C1GALT1: variants seen among roughly 807,000 people sequenced by gnomAD.
C1GALT1 encodes glycoprotein-N-acetylgalactosamine 3-beta-galactosyltransferase 1.
In C1GALT1, 11 loss-of-function variants were observed where a neutral mutation model predicts 31.0. The ratio of observed to expected loss-of-function variants is 0.36; its 90% CI spans 0.22 to 0.59. C1GALT1 has a LOEUF of 0.59. Among genes scored for constraint, C1GALT1 ranks in the 20% least tolerant of loss-of-function variants. C1GALT1 has a pLI of 0.79. For synonymous variants in C1GALT1, 175 were observed against 143.6 expected (o/e 1.22, Z -1.56); for missense variants, 424 against 425.2 (o/e 1.00, Z 0.03).
upstream of C1GALT1, among the ~76,000 whole-genome samples, chr7:7,181,580 A>C (rs1328666826): frequency 1.3e-5 from 2 of 152,226 alleles, no homozygotes; most frequent in Admixed American, 6.5e-5. Context: ...AATTAAAGGA[A>C]AAATAACAAT....
Position 7,238,903 on chromosome 7 carries a change from A to G in C1GALT1, c.869A>G (p.Asn290Ser). ...AGAACGTTTTGGTACTGGAATTACA[A>G]CTATTATCCTCCTGTAGAGGTAAGT... is the stretch of plus-strand genomic sequence containing the variant. ...LPRTFWYWNYNYYPPVEGPGC... is the reference protein window; with the variant it reads ...LPRTFWYWNYSYYPPVEGPGC... The change falls in exon 3 of 4, where the codon AAC becomes AGC. Residue 290 changes from asparagine to serine, a missense_variant. This residue lies in a region of C1GALT1 where 191 missense variants were observed against 188.8 expected (regional missense o/e 1.01). Transcript: ENST00000436587. This position sits in a 1 kb window ranked among gnomAD's most constrained non-coding sequence, Gnocchi z 5.2. 1 of 1,612,144 alleles carries G rather than the reference A, an allele frequency of 6.2e-7. No homozygotes were observed. The highest frequency in any genetic ancestry group is 8.5e-7 in the Non-Finnish European group (1 of 1,179,068).
chr7:7,169,599 G>A (rs1780431382), intron 2 of C1GALT1, among the ~76,000 whole-genome samples: 1 of 151,466 alleles, frequency 6.6e-6, no homozygotes, highest in East Asian at 1.9e-4. Context: ...GTACATCATT[G>A]TTGTTTTGAT....
At chr7:7,201,692 A>G (rs1316673215) in intron 1 of C1GALT1, among the ~76,000 whole-genome samples, 2 of 152,192 alleles carry the variant, frequency 1.3e-5, no homozygotes, top group African/African-American at 4.8e-5. Flanking sequence ...AGCAGCACTG[A>G]GTTAATTTCC....
rs57510429 is a variant in C1GALT1, at chr7:7,207,335, C to CTTTTTTTTTTTTTTTTTTTTTTTT, written c.-18+24522_-18+24545dup. On this transcript the variant is annotated intron_variant, in intron 1 of 3. Coordinates refer to ENST00000436587, the MANE Select transcript of C1GALT1 (RefSeq NM_020156.5). ...TCTCTGTGTTTCTCTTACTCTGTTGCTTTTTTTTTTTTTTTTTTTTTTTTT... is the reference window on the plus strand; with the variant it reads ...TCTCTGTGTTTCTCTTACTCTGTTGCTTTTTTTTTTTTTTTTTTTTTTTTTTTTTTTTTTTTTTTTTTTTTTTTT... Among the ~76,000 whole-genome samples, 50 of 48,006 alleles carry CTTTTTTTTTTTTTTTTTTTTTTTT rather than the reference C, an allele frequency of 1.0e-3. 21 individuals carry two copies. The highest frequency in any genetic ancestry group is 2.7e-3 in the South Asian group (3 of 1,128). The allele number at this position is 48,006 out of a possible 152,430, so 31.5% of individuals were successfully genotyped here.
chr7:7,212,783 G>A (rs1179920334), intron 1 of C1GALT1, among the ~76,000 whole-genome samples: 1 of 152,050 alleles, frequency 6.6e-6, no homozygotes, highest in Non-Finnish European at 1.5e-5. Flanking sequence ...AGGGAGGGGA[G>A]GGTGTATTGT....
At chr7:7,181,116 G>T (rs985985055), upstream of C1GALT1, among the ~76,000 whole-genome samples, 1 of 147,264 alleles carries the variant, frequency 6.8e-6, no homozygotes, top group South Asian at 2.1e-4. Context: ...ATAAGGAGTT[G>T]TGAGTTTTGG....
chr7:7,179,354 G>A (rs908728082), upstream of C1GALT1, among the ~76,000 whole-genome samples: 12 of 152,060 alleles, frequency 7.9e-5, 1 homozygote, highest in Admixed American at 7.2e-4. Context: ...CAAATAATTT[G>A]TGAACATATT....
intron 1 of C1GALT1, among the ~76,000 whole-genome samples, chr7:7,204,121 T>C (rs1246496948): frequency 6.7e-6 from 1 of 150,092 alleles, no homozygotes; most frequent in African/African-American, 2.4e-5. Flanking sequence ...GTTTTTTTGT[T>C]TTTTTTTTTG....
chr7:7,227,994 A>T (rs1562589601), intron 1 of C1GALT1, among the ~76,000 whole-genome samples: 1 of 152,338 alleles, frequency 6.6e-6, no homozygotes, highest in East Asian at 1.9e-4. Flanking sequence ...CAAAGTGGTT[A>T]AGAGTCTGAA....
At chr7:7,183,888 G>A (rs1489303279) in intron 1 of C1GALT1, among the ~76,000 whole-genome samples, 3 of 152,144 alleles carry the variant, frequency 2.0e-5, no homozygotes, top group East Asian at 1.9e-4. Context: ...GAACCATAAT[G>A]AATCAATGAA....
At chr7:7,194,122 A>G (rs541616380) in intron 1 of C1GALT1, among the ~76,000 whole-genome samples, 1 of 152,242 alleles carries the variant, frequency 6.6e-6, no homozygotes, top group East Asian at 1.9e-4. Context: ...ATCAGCAAAC[A>G]GCAACAGTTC....
chr7:7,175,283 A>G (rs1321606113), intron 2 of C1GALT1, among the ~76,000 whole-genome samples: 7 of 152,254 alleles, frequency 4.6e-5, no homozygotes, highest in African/African-American at 9.6e-5. Flanking sequence ...CTCGAATGCC[A>G]GAAGCTCTCA....
chr7:7,198,681 A>C (rs565171917), intron 1 of C1GALT1, among the ~76,000 whole-genome samples: 1 of 152,016 alleles, frequency 6.6e-6, no homozygotes, highest in South Asian at 2.1e-4. Flanking sequence ...TTTTTGGTTC[A>C]TAGGCTATTA....
chr7:7,182,105 T>A (rs908843244), upstream of C1GALT1, among the ~76,000 whole-genome samples: 3 of 151,988 alleles, frequency 2.0e-5, no homozygotes, highest in Non-Finnish European at 4.4e-5. Flanking sequence ...TCTTATTACT[T>A]CCTTTTATTA....
intron 2 of C1GALT1, among the ~76,000 whole-genome samples, chr7:7,236,996 A>C (rs1440772700): frequency 1.3e-5 from 2 of 152,186 alleles, no homozygotes; most frequent in African/African-American, 4.8e-5. Flanking sequence ...TGCCCAGAAC[A>C]TTGCTACTGA....
chr7:7,243,837 A>G lies in C1GALT1; in HGVS notation c.*110A>G. On this transcript the variant is annotated 3_prime_UTR_variant, in exon 4 of 4. Transcript: ENST00000436587. Reference sequence around the variant, plus strand: ...TCCCAGTGAGGAATTCTAAGTGAACATTCCTTATAGAAACCTTTCACATGA... The same window carrying G: ...TCCCAGTGAGGAATTCTAAGTGAACGTTCCTTATAGAAACCTTTCACATGA... 1.3e-6 allele frequency: 1 copy of G among 769,764 alleles called. No homozygotes were observed. Among genetic ancestry groups the G allele is most frequent in the South Asian group, 1.9e-5 (1 of 51,562 alleles). The allele number at this position is 769,764 out of a possible 1,614,324, so 47.7% of individuals were successfully genotyped here. A position where few individuals can be genotyped will look rare whatever the true frequency, so the allele number is the denominator to read the frequency against.
At chr7:7,189,557 C>A (rs1020624252) in intron 1 of C1GALT1, among the ~76,000 whole-genome samples, 2 of 151,398 alleles carry the variant, frequency 1.3e-5, no homozygotes, top group East Asian at 1.9e-4. Flanking sequence ...CTTTTATTTT[C>A]TTTATCTGTT....
At chr7:7,180,568 T>C (rs747526911), upstream of C1GALT1, among the ~76,000 whole-genome samples, 4 of 152,250 alleles carry the variant, frequency 2.6e-5, no homozygotes, top group Non-Finnish European at 5.9e-5. Context: ...TATTTATATG[T>C]CTATATGTGC....
intron 2 of C1GALT1, among the ~76,000 whole-genome samples, chr7:7,162,801 T>C (rs13311838): frequency 1.1e-3 from 168 of 152,242 alleles, no homozygotes; most frequent in African/African-American, 3.8e-3. Context: ...TTTTAATGAT[T>C]GCCATTCTAA....
Sources: gnomAD v4.1 joint callset for allele counts (sites outside exome capture counted in the v4.1 genomes callset) on GRCh38, gnomAD v4.1.1 for gene constraint, gnomAD v4.1.1 regional missense constraint, Gnocchi (gnomAD v3.1) non-coding constraint, MANE v1.5 for transcripts, NCBI Gene and HGNC (gene_info 2026-07-23, HGNC 2026-07-21) for gene names.